Variants in TMEM222 observed in about 807,000 individuals in gnomAD.
TMEM222 encodes transmembrane protein 222, also known as chromosome 1 open reading frame 160.
In TMEM222, 18 loss-of-function variants were observed where a neutral mutation model predicts 25.1. That is an observed-to-expected ratio of 0.72 (90% CI 0.50 to 1.06). The LOEUF (loss-of-function observed/expected upper bound fraction) is 1.06, where lower values mean the gene tolerates loss of function less well. Ranked by LOEUF, TMEM222 falls within the 50% of genes least tolerant of loss-of-function variation. The pLI, the probability that TMEM222 is intolerant of heterozygous loss-of-function variation, is 0.00. For missense variants in TMEM222, 296 were observed against 293.7 expected, an observed-to-expected ratio of 1.01 and a Z score of -0.06; for synonymous variants, 131 against 117.9, an observed-to-expected ratio of 1.11 and a Z score of -0.72.
intron 5 of TMEM222, 157 bp downstream of exon 5, chr1:27,334,438 C>G (rs2014557121): frequency 3.8e-6 from 5 of 1,305,628 alleles, no homozygotes; most frequent in Non-Finnish European, 5.2e-6. Context: ...AGCTGAGGGC[C>G]TGATGGAGAG....
Position 27,334,540 on chromosome 1 carries a change from C to A in TMEM222, c.539+259C>A. ...TGAGACCATGGGCAACTGCCTTGGT[C>A]TCTCTTAGCCACAGCTGTCTCTGGT... On this transcript the variant is annotated intron_variant, in intron 5 of 5. Transcript: ENST00000374076. 4.9e-6 allele frequency: 7 copies of A among 1,427,518 alleles called. No homozygotes were observed. In the South Asian group the frequency reaches 1.1e-4, roughly 22 times the overall value. The allele number at this position is 1,427,518 out of a possible 1,614,324, so 88.4% of individuals were successfully genotyped here. A position where few individuals can be genotyped will look rare whatever the true frequency, so the allele number is the denominator to read the frequency against.
At position 27,332,096 on chromosome 1, in the gene TMEM222, T is replaced by G; in HGVS notation, c.306T>G (p.Pro102=). ...VSEDNMAFGK[P]AKYWKLDPAQ... is the part of the protein sequence containing the mutation. ...AGGACAACATGGCCTTTGGAAAGCC[T>G]GCCAAGTAAGTGATGAACACCCATG... Residue 102 remains proline (P), a synonymous_variant, in exon 3 of 6, where the codon CCT becomes CCG. Transcript: ENST00000374076. 1 of 1,614,258 alleles carries G rather than the reference T, an allele frequency of 6.2e-7. No homozygotes were observed. The highest frequency in any genetic ancestry group is 1.1e-5 in the South Asian group (1 of 91,092).
At chr1:27,326,342 AGCAGTTT>A (rs1228462846) in intron 1 of TMEM222, among the ~76,000 whole-genome samples, 6 of 152,124 alleles carry the variant, frequency 3.9e-5, no homozygotes, top group African/African-American at 1.4e-4. Context: ...TTGAGTTGGA[AGCAGTTT>A]GCATTTACAC....
intron 1 of TMEM222, among the ~76,000 whole-genome samples, chr1:27,328,474 G>T (rs1464111759): frequency 6.6e-6 from 1 of 152,150 alleles, no homozygotes. Flanking sequence ...GACCACTCTG[G>T]CCCTACCATT....
intron 3 of TMEM222, 86 bp from the exon 4 acceptor site, chr1:27,333,872 G>T: frequency 1.6e-6 from 2 of 1,249,444 alleles, no homozygotes; most frequent in Non-Finnish European, 2.3e-6. Flanking sequence ...CTCAGGCCCG[G>T]GCACAGGGCA....
At position 27,322,293 on chromosome 1, in the gene TMEM222, G is replaced by A. The variant is rs754547811; in HGVS notation, c.96G>A (p.Thr32=). 5.6e-5 allele frequency: 88 copies of A among 1,562,260 alleles called. No individual in the cohort carries two copies. The East Asian group carries it at 1.0e-3, about 18-fold the overall frequency. The change falls in exon 1 of 6, where the codon ACG becomes ACA. Residue 32 remains threonine, a synonymous_variant. Transcript: ENST00000374076. ...TGGAGGCGCCGACGGCGGCCGAGAC[G>A]GACATGAAGCAATATCAAGGCTCCG... The part of the protein sequence containing the change: ...AEVEAPTAAE[T]DMKQYQGSGG...
At chr1:27,335,154 C>T in intron 5 of TMEM222, 1 of 580,202 alleles carries the variant, frequency 1.7e-6, no homozygotes, top group Non-Finnish European at 3.1e-6. Flanking sequence ...AGTAAATCAC[C>T]AGGAGCGCGG....
At position 27,335,368 on chromosome 1, in the gene TMEM222, C is replaced by T. The variant is rs1208647634; in HGVS notation, c.540-11C>T. The stretch of plus-strand genomic sequence containing the variant: ...CCTGCCCACCTATGCTCGCTCCTTT[C>T]TCTCTGTCAGCGTTGGGGCCTTCGT... On this transcript the variant is annotated splice_polypyrimidine_tract_variant and intron_variant, in intron 5 of 5. Transcript: ENST00000374076. 1 of 1,613,810 alleles carries T rather than the reference C, an allele frequency of 6.2e-7. No homozygotes were observed. The highest frequency in any genetic ancestry group is 1.3e-5 in the African/African-American group (1 of 74,932).
At chr1:27,325,557 A>G (rs2148012826) in intron 1 of TMEM222, 2 of 1,254,310 alleles carry the variant, frequency 1.6e-6, no homozygotes, top group South Asian at 1.2e-5. Context: ...GTACACCAAC[A>G]TAGGGCTATC....
At chr1:27,326,411 A>G (rs1216285324) in intron 1 of TMEM222, among the ~76,000 whole-genome samples, 1 of 152,076 alleles carries the variant, frequency 6.6e-6, no homozygotes, top group Non-Finnish European at 1.5e-5. Context: ...TTTGTATGCA[A>G]TTCTCGATTC....
intron 3 of TMEM222, 21 bp downstream of exon 3, chr1:27,332,122 T>C (rs1475759363): frequency 6.2e-7 from 1 of 1,614,148 alleles, no homozygotes; most frequent in Non-Finnish European, 8.5e-7. Flanking sequence ...AACACCCATG[T>C]GACTGGCTCT....
chr1:27,334,821 A>G, intron 5 of TMEM222: 1 of 1,088,380 alleles, frequency 9.2e-7, no homozygotes, highest in Non-Finnish European at 1.1e-6. Context: ...AGAGGTTCTG[A>G]AAAGAAGACT....
Position 27,335,437 on chromosome 1 carries a change from A to T in TMEM222, c.598A>T (p.Thr200Ser). The change falls in exon 6 of 6, where the codon ACC (threonine) becomes TCC (serine). Residue 200 changes from threonine (T) to serine (S), a missense_variant. Thr to Ser is a moderately conservative substitution (Grantham distance 58). Transcript: ENST00000374076. The part of the protein sequence containing the change: ...PFILLLGIIL[T>S]VSLVFNLR ...CATCCTTCTCCTGGGCATCATCCTC[A>T]CCGTCAGCCTGGTCTTTAACCTCCG... is the stretch of plus-strand genomic sequence containing the variant. 6.2e-7 allele frequency: 1 copy of T among 1,613,804 alleles called. No individual in the cohort carries two copies. Among genetic ancestry groups the T allele is most frequent in the East Asian group, 2.2e-5 (1 of 44,864 alleles).
chr1:27,325,931 G>A, intron 1 of TMEM222: 1 of 663,474 alleles, frequency 1.5e-6, no homozygotes, highest in Non-Finnish European at 2.8e-6. Context: ...TGTCGTTGAA[G>A]CTTGTATCTA....
rs1461519647 is a variant in TMEM222 at position 27,333,584 on chromosome 1, C to T, written c.312-374C>T. Reference sequence around the variant, plus strand: ...TGGTGGAGGGGTGAGGGGTCTCCCTCAGGGCTCTTTTATAAGGACACGGAT... The same window carrying T: ...TGGTGGAGGGGTGAGGGGTCTCCCTTAGGGCTCTTTTATAAGGACACGGAT... On this transcript the variant is annotated intron_variant, in intron 3 of 5. Coordinates refer to ENST00000374076, the MANE Select transcript of TMEM222 (RefSeq NM_032125.3). 4.9e-6 allele frequency: 2 copies of T among 410,826 alleles called. 1 individual carries two copies. The highest frequency in any genetic ancestry group is 3.6e-5 in the South Asian group (2 of 55,900). The allele number at this position is 410,826 out of a possible 1,614,324, so 25.4% of individuals were successfully genotyped here. A position where few individuals can be genotyped will look rare whatever the true frequency, so the allele number is the denominator to read the frequency against.
chr1:27,327,734 T>C (rs1009762738), intron 1 of TMEM222, among the ~76,000 whole-genome samples: 1 of 152,080 alleles, frequency 6.6e-6, no homozygotes, highest in African/African-American at 2.4e-5. Context: ...CTTGGCTCAC[T>C]ACAGCCTCAA....
At position 27,322,409 on chromosome 1, in the gene TMEM222, T is replaced by C. The variant is rs375295206; in HGVS notation, c.194+18T>C. ...GTGCTCACGTGAGTCTCTTCCGGCA[T>C]CCGCCTGGGGACGAGGAGGGCCCAG... is the stretch of plus-strand genomic sequence containing the variant. On this transcript the variant is annotated intron_variant, in intron 1 of 5. Coordinates refer to ENST00000374076, the MANE Select transcript of TMEM222 (RefSeq NM_032125.3). 9.3e-5 allele frequency: 127 copies of C among 1,372,160 alleles called. No homozygotes were observed. The highest frequency in any genetic ancestry group is 3.8e-4 in the Middle Eastern group (2 of 5,218). 85.0% of individuals were successfully genotyped at this position (1,372,160 alleles called of 1,614,324 possible).
At chr1:27,326,041 C>T (rs1275821965) in intron 1 of TMEM222, among the ~76,000 whole-genome samples, 1 of 152,214 alleles carries the variant, frequency 6.6e-6, no homozygotes, top group Admixed American at 6.5e-5. Flanking sequence ...CATATCTTTG[C>T]TTTCAACCCT....
At chr1:27,334,591 C>T (rs1368503762) in intron 5 of TMEM222, 27 of 1,445,102 alleles carry the variant, frequency 1.9e-5, no homozygotes, top group African/African-American at 5.7e-5. Flanking sequence ...ATTCCGGCTC[C>T]TCAGGGAGGC....
Sources: gnomAD v4.1 joint callset for allele counts (sites outside exome capture counted in the v4.1 genomes callset) on GRCh38, gnomAD v4.1.1 for gene constraint, MANE v1.5 for transcripts, NCBI Gene and HGNC (gene_info 2026-07-23, HGNC 2026-07-21) for gene names.